Variants in AGL observed in about 807,000 individuals in gnomAD.
AGL encodes the protein glycogen debranching enzyme.
AGL carries 128 observed loss-of-function variants against 199.3 expected under a neutral mutation model. The observed-to-expected ratio is 0.64, with a 90% confidence interval of 0.56 to 0.74. AGL has a LOEUF of 0.74. Ranked by LOEUF, AGL falls within the 30% of genes least tolerant of loss-of-function variation. The probability of loss-of-function intolerance (pLI) is 0.00; values close to 1 mark genes in which losing one functional copy is unlikely to be tolerated. For synonymous variants in AGL, 584 were observed against 594.7 expected (o/e 0.98, Z 0.26); for missense variants, 1,809 against 1,820.8 (o/e 0.99, Z 0.12).
chr1:99,857,243 C>G (rs1649576162), intron 2 of AGL, among the ~76,000 whole-genome samples: 1 of 151,866 alleles, frequency 6.6e-6, no homozygotes, highest in South Asian at 2.1e-4. Flanking sequence ...CTCCCCACAT[C>G]TCAGACGATG....
intron 5 of AGL, among the ~76,000 whole-genome samples, chr1:99,868,551 A>G (rs4907898): frequency 1.3e-5 from 2 of 152,158 alleles, no homozygotes; most frequent in African/African-American, 4.8e-5. Flanking sequence ...GGTGGAGGTT[A>G]CAGTGAGCCG....
At chr1:99,905,904 A>G (rs1654248433) in intron 27 of AGL, among the ~76,000 whole-genome samples, 1 of 152,074 alleles carries the variant, frequency 6.6e-6, no homozygotes, top group Non-Finnish European at 1.5e-5. Flanking sequence ...TTATAATTGT[A>G]TAATTGGAGT....
chr1:99,906,707 G>A (rs1183127709), intron 27 of AGL, among the ~76,000 whole-genome samples: 2 of 152,134 alleles, frequency 1.3e-5, no homozygotes, highest in African/African-American at 4.8e-5. Context: ...CATGTGACAG[G>A]ATTCCCTTCT....
At chr1:99,900,022 T>TG (rs1290691012) in intron 25 of AGL, among the ~76,000 whole-genome samples, 1 of 151,966 alleles carries the variant, frequency 6.6e-6, no homozygotes, top group Non-Finnish European at 1.5e-5. Flanking sequence ...CTCTGCCTCC[T>TG]GGGTTCAGGC....
chr1:99,889,140 T>A (rs1420752320), intron 21 of AGL, among the ~76,000 whole-genome samples: 1 of 152,186 alleles, frequency 6.6e-6, no homozygotes, highest in Non-Finnish European at 1.5e-5. Context: ...GATTAATGAA[T>A]TAATACATGT....
At chr1:99,852,531 C>T (rs924810750) in intron 2 of AGL, 13 of 625,424 alleles carry the variant, frequency 2.1e-5, no homozygotes, top group East Asian at 1.1e-4. Context: ...CACTATGCCC[C>T]GCTAATTTTT....
chr1:99,887,896 G>A, intron 20 of AGL, 82 bp from the exon 21 acceptor site: 2 of 1,488,460 alleles, frequency 1.3e-6, no homozygotes, highest in South Asian at 1.1e-5. Flanking sequence ...TTTTATGATT[G>A]TAATTCAGAT....
At position 99,922,327 on chromosome 1, in the gene AGL, G is replaced by A. The variant is rs568443504; in HGVS notation, c.*676G>A. On this transcript the variant is annotated 3_prime_UTR_variant, in exon 34 of 34. Coordinates refer to ENST00000361915, the MANE Select transcript of AGL (RefSeq NM_000642.3). ...TCCTAAAAACAGTTTTGTAAAATTA[G>A]TATTGAGTTCTATTGAGTATTATAA... 1.2e-3 allele frequency: 189 copies of A among 151,828 alleles called. No homozygotes were observed. The highest frequency in any genetic ancestry group is 4.5e-3 in the African/African-American group (186 of 41,530). The allele number at this position is 151,828 out of a possible 1,614,324, so 9.4% of individuals were successfully genotyped here.
chr1:99,864,659 TAAGAG>T, intron 5 of AGL, 70 bp downstream of exon 5: 1 of 1,357,604 alleles, frequency 7.4e-7, no homozygotes. Context: ...TACACACAAA[TAAGAG>T]AAAGGAAGAA....
intron 33 of AGL, among the ~76,000 whole-genome samples, chr1:99,918,720 T>C (rs2100886936): frequency 6.6e-6 from 1 of 152,312 alleles, no homozygotes; most frequent in South Asian, 2.1e-4. Flanking sequence ...GAGCTTTGTT[T>C]TGGAATGCAG....
At chr1:99,891,868 A>ATGC in intron 23 of AGL, 129 bp downstream of exon 23, 2 of 1,068,770 alleles carry the variant, frequency 1.9e-6, no homozygotes, top group African/African-American at 1.6e-5. Context: ...TTGTAGGTGG[A>ATGC]TAGTAAATTT....
At chr1:99,857,847 A>AGAGGGAGGCC (rs1557743553) in intron 2 of AGL, among the ~76,000 whole-genome samples, 1 of 8,226 alleles carries the variant, frequency 1.2e-4, no homozygotes, top group Non-Finnish European at 2.4e-4. Context: ...GGGGAGGGGG[A>AGAGGGAGGCC]GGGGGGAAGA....
intron 20 of AGL, among the ~76,000 whole-genome samples, chr1:99,887,408 G>T (rs576887469): frequency 1.3e-5 from 2 of 152,116 alleles, no homozygotes; most frequent in Non-Finnish European, 2.9e-5. Flanking sequence ...ACAAGCTGAG[G>T]GGCAGTGCAA....
At position 99,875,202 on chromosome 1, in the gene AGL, A is replaced by T; in HGVS notation, c.1131A>T (p.Arg377Ser). 6.2e-7 allele frequency: 1 copy of T among 1,614,178 alleles called. No homozygotes were observed. Among genetic ancestry groups the T allele is most frequent in the Middle Eastern group, 1.6e-4 (1 of 6,062 alleles). The change falls in exon 9 of 34, where the codon AGA (arginine) becomes AGT (serine). Residue 377 changes from arginine to serine, a missense_variant. Arg to Ser is a moderately radical substitution (Grantham distance 110). Coordinates refer to ENST00000361915, the MANE Select transcript of AGL (RefSeq NM_000642.3). ...IEECCNWFHK[R>S]MEELNSEKHR... ...AATGCTGTAATTGGTTTCATAAAAG[A>T]ATGGAGGAATTAAATTCAGAGAAGC...
rs114982938 is a variant in AGL, at chr1:99,916,976, G to C, written c.4481+245G>C. On this transcript the variant is annotated intron_variant, in intron 33 of 33. Transcript: ENST00000361915. ...GATTTATACATGTGGAATAGTCTTT[G>C]ATTTTTAAAATTTCCCTGATGTTTT... Among the ~76,000 whole-genome samples the C allele has an allele frequency of 0.033, 5,033 of 152,154 alleles. 121 individuals carry two copies. The highest frequency in any genetic ancestry group is 0.087 in the South Asian group (421 of 4,814).
At chr1:99,876,361 A>G (rs1651529985) in intron 10 of AGL, 97 bp from the exon 11 acceptor site, 9 of 941,682 alleles carry the variant, frequency 9.6e-6, no homozygotes, top group Non-Finnish European at 1.4e-5. Context: ...ATTTTATTCT[A>G]TTCATTAGAA....
chr1:99,855,355 CTCTT>C (rs1311768825), intron 2 of AGL, among the ~76,000 whole-genome samples: 1 of 147,606 alleles, frequency 6.8e-6, no homozygotes, highest in African/African-American at 2.4e-5. Context: ...CTTTCCTTCT[CTCTT>C]TTCTACAAGA....
chr1:99,884,784 C>A (rs1570452354), intron 20 of AGL, 81 bp downstream of exon 20: 4 of 1,519,842 alleles, frequency 2.6e-6, no homozygotes, highest in East Asian at 4.5e-5. Flanking sequence ...TTTTAAGGGT[C>A]CTCTATATCC....
intron 26 of AGL, 38 bp downstream of exon 26, chr1:99,900,899 T>G (rs749686465): frequency 4.4e-5 from 66 of 1,516,488 alleles, no homozygotes; most frequent in Non-Finnish European, 5.2e-5. Flanking sequence ...TGTTTTTTTT[T>G]TTTTTTCTGA....
Sources: allele counts gnomAD v4.1 joint callset (sites outside exome capture counted in the v4.1 genomes callset), GRCh38; gene constraint gnomAD v4.1.1; transcripts MANE v1.5; gene names NCBI Gene and HGNC (gene_info 2026-07-23, HGNC 2026-07-21).